Variants in PPP3R1 observed in about 807,000 individuals in gnomAD.
The protein encoded by PPP3R1 is protein phosphatase 3 regulatory subunit B, alpha, also known as calcineurin subunit B type 1.
PPP3R1 carries 5 observed loss-of-function variants against 22.6 expected under a neutral mutation model. The observed-to-expected ratio is 0.22, with a 90% CI of 0.12 to 0.46. The LOEUF is 0.46. PPP3R1 is among the 20% of genes least tolerant of loss of function. The pLI, the probability that PPP3R1 is intolerant of heterozygous loss-of-function variation, is 0.99. For missense variants in PPP3R1, 61 were observed against 203.2 expected (o/e 0.30, Z 4.25); for synonymous variants, 56 against 65.2 (o/e 0.86, Z 0.68).
intron 2 of PPP3R1, among the ~76,000 whole-genome samples, chr2:68,207,984 C>T (rs944249029): frequency 6.6e-6 from 1 of 152,138 alleles, no homozygotes; most frequent in African/African-American, 2.4e-5. Flanking sequence ...GGTGAAACCT[C>T]ATCTCTACTA....
At chr2:68,196,693 A>G (rs1674782579) in intron 2 of PPP3R1, among the ~76,000 whole-genome samples, 1 of 152,076 alleles carries the variant, frequency 6.6e-6, no homozygotes, top group Non-Finnish European at 1.5e-5. Context: ...ACTCGGTATC[A>G]CCACCAACAA....
intron 1 of PPP3R1, among the ~76,000 whole-genome samples, chr2:68,234,887 AATG>A (rs752131305): frequency 1.1e-4 from 16 of 152,328 alleles, no homozygotes; most frequent in South Asian, 2.1e-4. Context: ...CAGTTCAGAT[AATG>A]ATAAGATACC....
intron 2 of PPP3R1, among the ~76,000 whole-genome samples, chr2:68,205,867 T>A (rs1334177245): frequency 6.6e-6 from 1 of 152,116 alleles, no homozygotes. Context: ...TTGCCCAGGC[T>A]GGAGTGCAAT....
intron 2 of PPP3R1, among the ~76,000 whole-genome samples, chr2:68,189,180 G>T (rs1283548203): frequency 6.6e-6 from 1 of 151,960 alleles, no homozygotes; most frequent in African/African-American, 2.4e-5. Flanking sequence ...AATTCAAAGG[G>T]TATTCAAAAT....
At chr2:68,206,699 G>A (rs6736178) in intron 2 of PPP3R1, among the ~76,000 whole-genome samples, 113,413 of 152,130 alleles carry the variant, frequency 0.75, 43,328 homozygotes, top group African/African-American at 0.93. Context: ...TTTATTTCTC[G>A]TAATAGTTTA....
At chr2:68,250,082 T>C (rs1400978513) in intron 1 of PPP3R1, among the ~76,000 whole-genome samples, 1 of 151,260 alleles carries the variant, frequency 6.6e-6, no homozygotes, top group Non-Finnish European at 1.5e-5. Context: ...CAGACCAAAA[T>C]AACCCTAAAG....
chr2:68,219,537 C>T (rs13028330), intron 1 of PPP3R1, among the ~76,000 whole-genome samples: 32,357 of 152,048 alleles, frequency 0.21, 3,677 homozygotes, highest in Non-Finnish European at 0.25. Flanking sequence ...TTATTGATCC[C>T]TGAACCTAAT....
intron 3 of PPP3R1, among the ~76,000 whole-genome samples, chr2:68,188,256 T>C (rs942692897): frequency 3.3e-5 from 5 of 152,156 alleles, no homozygotes; most frequent in African/African-American, 1.2e-4. Flanking sequence ...AGATTAATTT[T>C]CTAAAAAGAA....
intron 4 of PPP3R1, 136 bp downstream of exon 4, chr2:68,187,119 C>T: frequency 1.5e-6 from 1 of 670,884 alleles, no homozygotes; most frequent in Non-Finnish European, 2.3e-6. Flanking sequence ...GGATTTTCAC[C>T]AGAATGTAAA....
intron 1 of PPP3R1, among the ~76,000 whole-genome samples, chr2:68,218,047 C>T (rs139827527): frequency 1.9e-4 from 29 of 152,164 alleles, no homozygotes; most frequent in Admixed American, 6.5e-4. Context: ...TCTTTAAAAA[C>T]GTCTACAGAA....
At chr2:68,216,304 T>G (rs1669578105) in intron 2 of PPP3R1, among the ~76,000 whole-genome samples, 1 of 152,098 alleles carries the variant, frequency 6.6e-6, no homozygotes, top group Non-Finnish European at 1.5e-5. Flanking sequence ...ATTAAAGACC[T>G]TTTTCAAACT....
chr2:68,233,108 G>A (rs140559691), intron 1 of PPP3R1, among the ~76,000 whole-genome samples: 1 of 152,008 alleles, frequency 6.6e-6, no homozygotes, highest in Non-Finnish European at 1.5e-5. Flanking sequence ...TATTTCCTCA[G>A]TTACCACACA....
chr2:68,199,127 C>A (rs1016533864), intron 2 of PPP3R1, among the ~76,000 whole-genome samples: 1 of 152,110 alleles, frequency 6.6e-6, no homozygotes, highest in African/African-American at 2.4e-5. Flanking sequence ...CCATGCCCAG[C>A]TAATTTTTTT....
At chr2:68,202,199 ATT>A (rs1674992719) in intron 2 of PPP3R1, among the ~76,000 whole-genome samples, 1 of 152,250 alleles carries the variant, frequency 6.6e-6, no homozygotes, top group East Asian at 1.9e-4. Context: ...AAGAAGTTTT[ATT>A]TTTGTTACGC....
chr2:68,242,283 T>C (rs1670151434), intron 1 of PPP3R1, among the ~76,000 whole-genome samples: 1 of 151,974 alleles, frequency 6.6e-6, no homozygotes, highest in Non-Finnish European at 1.5e-5. Context: ...AAAAATTAGC[T>C]GGGTGTGGTG....
At chr2:68,212,143 T>C (rs568508513) in intron 2 of PPP3R1, among the ~76,000 whole-genome samples, 1 of 152,156 alleles carries the variant, frequency 6.6e-6, no homozygotes, top group Non-Finnish European at 1.5e-5. Context: ...CGCAGTAGTG[T>C]GATCTCTGCT....
chr2:68,231,365 CTTTT>C (rs796567085), intron 1 of PPP3R1, among the ~76,000 whole-genome samples: 1 of 149,342 alleles, frequency 6.7e-6, no homozygotes, highest in Non-Finnish European at 1.5e-5. Flanking sequence ...AGTTTTCTTT[CTTTT>C]TTTTTTCCTG....
intron 1 of PPP3R1, among the ~76,000 whole-genome samples, chr2:68,224,653 G>A (rs1333440905): frequency 6.7e-6 from 1 of 148,370 alleles, no homozygotes; most frequent in Non-Finnish European, 1.5e-5. Context: ...AGCAGAGCAA[G>A]ACTCGTCTCA....
Position 68,252,368 on chromosome 2 carries a change from G to A in PPP3R1, c.-241C>T. The A allele has an allele frequency of 9.9e-7, 1 of 1,006,802 alleles. No homozygotes were observed. Among genetic ancestry groups the A allele is most frequent in the Non-Finnish European group, 1.2e-6 (1 of 845,160 alleles). The allele number at this position is 1,006,802 out of a possible 1,614,324, so 62.4% of individuals were successfully genotyped here. A position where few individuals can be genotyped will look rare whatever the true frequency, so the allele number is the denominator to read the frequency against. On this transcript the variant is annotated 5_prime_UTR_variant, in exon 1 of 6. Coordinates refer to ENST00000234310, the MANE Select transcript of PPP3R1 (RefSeq NM_000945.4). ...TAAGGTCGAGATTCAGAGCCGGAGA[G>A]CGCGGGAGGAGCAGCGGCGAGAGGC...
Sources: allele counts gnomAD v4.1 joint callset (sites outside exome capture counted in the v4.1 genomes callset), GRCh38; gene constraint gnomAD v4.1.1; transcripts MANE v1.5; gene names NCBI Gene and HGNC (gene_info 2026-07-23, HGNC 2026-07-21).